SOX6: variants seen among roughly 807,000 people sequenced by gnomAD.
SOX6 encodes transcription factor SOX-6.
In SOX6, 11 loss-of-function variants were observed where a neutral mutation model predicts 97.8. The observed-to-expected ratio is 0.11, with a 90% CI of 0.07 to 0.19. SOX6 has a LOEUF of 0.19. Among genes scored for constraint, SOX6 ranks in the 10% least tolerant of loss-of-function variants. SOX6 has a pLI of 1.00. For synonymous variants in SOX6, 360 were observed against 371.4 expected, an observed-to-expected ratio of 0.97 and a Z score of 0.35; for missense variants, 810 against 1,039.5, an observed-to-expected ratio of 0.78 and a Z score of 3.04.
At chr11:16,714,348 T>C (rs1848202438) in intron 3 of SOX6, among the ~76,000 whole-genome samples, 1 of 152,072 alleles carries the variant, frequency 6.6e-6, no homozygotes, top group Non-Finnish European at 1.5e-5. Flanking sequence ...GTCATGTTCA[T>C]TGTTTTTCCC....
intron 9 of SOX6, among the ~76,000 whole-genome samples, chr11:16,083,125 C>T (rs1226333516): frequency 6.6e-6 from 1 of 152,144 alleles, no homozygotes; most frequent in Non-Finnish European, 1.5e-5. Flanking sequence ...CAGTACTTCC[C>T]CAGGGGGAGC....
intron 2 of SOX6, among the ~76,000 whole-genome samples, chr11:16,732,143 T>C (rs1848355241): frequency 6.6e-6 from 1 of 152,236 alleles, no homozygotes; most frequent in Non-Finnish European, 1.5e-5. Flanking sequence ...AGAATCAATA[T>C]TGTGAAAATG....
chr11:16,710,228 A>T (rs1848168332), intron 3 of SOX6, among the ~76,000 whole-genome samples: 1 of 152,222 alleles, frequency 6.6e-6, no homozygotes, highest in African/African-American at 2.4e-5. Flanking sequence ...CGTTTCTAAA[A>T]TTATCATAAA....
intron 4 of SOX6, among the ~76,000 whole-genome samples, chr11:16,599,023 T>C (rs1848241088): frequency 6.6e-6 from 1 of 152,152 alleles, no homozygotes; most frequent in African/African-American, 2.4e-5. Context: ...CATAGTGCAC[T>C]TTGAATTTAT....
chr11:16,599,918 G>A (rs192428987), intron 4 of SOX6, among the ~76,000 whole-genome samples: 3 of 152,128 alleles, frequency 2.0e-5, no homozygotes, highest in African/African-American at 7.2e-5. Context: ...CCATCATTCT[G>A]GTAAAAAGAA....
chr11:16,279,550 T>C (rs1393693820), intron 3 of SOX6, among the ~76,000 whole-genome samples: 1 of 152,108 alleles, frequency 6.6e-6, no homozygotes, highest in African/African-American at 2.4e-5. Context: ...ATTACAATGT[T>C]GCTTATTAAA....
intron 9 of SOX6, among the ~76,000 whole-genome samples, chr11:16,076,957 G>T (rs1329270390): frequency 6.6e-6 from 1 of 151,518 alleles, no homozygotes; most frequent in Non-Finnish European, 1.5e-5. Context: ...GTTTCACCTT[G>T]TTAGCCAGGA....
At chr11:16,461,461 A>G (rs1334911793) in intron 1 of SOX6, among the ~76,000 whole-genome samples, 1 of 152,126 alleles carries the variant, frequency 6.6e-6, no homozygotes, top group Non-Finnish European at 1.5e-5. Context: ...ATGGATCACG[A>G]TGATATGATC....
At chr11:16,323,451 T>C (rs1246403082) in intron 2 of SOX6, among the ~76,000 whole-genome samples, 2 of 152,178 alleles carry the variant, frequency 1.3e-5, no homozygotes, top group African/African-American at 4.8e-5. Flanking sequence ...GGCATTCAAA[T>C]GGCTTTAAAT....
intron 3 of SOX6, among the ~76,000 whole-genome samples, chr11:16,263,521 A>G (rs1853965917): frequency 1.3e-5 from 2 of 151,990 alleles, no homozygotes; most frequent in South Asian, 4.1e-4. Context: ...ATATGGAAGA[A>G]AGGATAATCC....
intron 3 of SOX6, among the ~76,000 whole-genome samples, chr11:16,637,065 C>G (rs933139380): frequency 6.6e-6 from 1 of 152,136 alleles, no homozygotes. Flanking sequence ...TGATTAGTCT[C>G]TCTAGAAATT....
chr11:16,319,135 T>C (rs1394532688), intron 2 of SOX6, among the ~76,000 whole-genome samples: 1 of 152,192 alleles, frequency 6.6e-6, no homozygotes, highest in Non-Finnish European at 1.5e-5. Context: ...AAAAGTTAGC[T>C]TCAGTAGCCA....
intron 3 of SOX6, among the ~76,000 whole-genome samples, chr11:16,673,297 C>A (rs1165607682): frequency 6.6e-6 from 1 of 151,342 alleles, no homozygotes; most frequent in Non-Finnish European, 1.5e-5. Flanking sequence ...GAAAAGAATA[C>A]AAAAGAACAA....
intron 2 of SOX6, among the ~76,000 whole-genome samples, chr11:16,329,514 G>A (rs1856215046): frequency 1.3e-5 from 2 of 152,116 alleles, no homozygotes; most frequent in East Asian, 1.9e-4. Context: ...AAGTACAGGC[G>A]CCCTGGGCAA....
At chr11:16,256,300 C>T (rs1360907596) in intron 3 of SOX6, among the ~76,000 whole-genome samples, 1 of 151,806 alleles carries the variant, frequency 6.6e-6, no homozygotes, top group Non-Finnish European at 1.5e-5. Flanking sequence ...CAAAAATCCT[C>T]AAGAAAATAT....
At chr11:16,525,825 T>C (rs1215586809) in intron 4 of SOX6, among the ~76,000 whole-genome samples, 2 of 152,120 alleles carry the variant, frequency 1.3e-5, no homozygotes, top group Non-Finnish European at 2.9e-5. Context: ...GGGCGAAGGA[T>C]ATAAACAGAC....
intron 1 of SOX6, among the ~76,000 whole-genome samples, chr11:16,388,119 C>T (rs972852076): frequency 2.2e-4 from 33 of 152,138 alleles, no homozygotes; most frequent in African/African-American, 7.5e-4. Flanking sequence ...TTATTATATT[C>T]CTAGATTGCT....
At chr11:16,370,661 C>T (rs149387750) in intron 1 of SOX6, among the ~76,000 whole-genome samples, 1 of 152,118 alleles carries the variant, frequency 6.6e-6, no homozygotes, top group African/African-American at 2.4e-5. Context: ...CAGAACTGAG[C>T]TTTTGATATT....
chr11:16,210,718 T>C (rs1396583210), intron 4 of SOX6, among the ~76,000 whole-genome samples: 1 of 152,188 alleles, frequency 6.6e-6, no homozygotes, highest in East Asian at 1.9e-4. Flanking sequence ...TAGGCATCTC[T>C]CGCACTCACT....
Sources: gnomAD v4.1 joint callset for allele counts (sites outside exome capture counted in the v4.1 genomes callset) on GRCh38, gnomAD v4.1.1 for gene constraint, MANE v1.5 for transcripts, NCBI Gene and HGNC (gene_info 2026-07-23, HGNC 2026-07-21) for gene names.